SMAD7: variants seen among roughly 807,000 people sequenced by gnomAD.
SMAD7 encodes the protein MAD (mothers against decapentaplegic, Drosophila) homolog 7.
A neutral mutation model predicts 38.7 loss-of-function variants in SMAD7; 8 were observed. The observed-to-expected ratio is 0.21, with a 90% CI of 0.12 to 0.37. The LOEUF is 0.37. SMAD7 is among the 10% of genes least tolerant of loss of function. The pLI is 1.00. For synonymous variants in SMAD7, 327 were observed against 265.1 expected (o/e 1.23, Z -2.27); for missense variants, 477 against 577.9 (o/e 0.83, Z 1.79).
chr18:48,932,056 C>T (rs1196117348), intron 3 of SMAD7, among the ~76,000 whole-genome samples: 2 of 152,292 alleles, frequency 1.3e-5, no homozygotes, highest in East Asian at 1.9e-4. Flanking sequence ...CGGTATGGTG[C>T]ACTCAGATCA....
chr18:48,936,953 C>T (rs748273461), intron 3 of SMAD7, among the ~76,000 whole-genome samples: 1 of 152,024 alleles, frequency 6.6e-6, no homozygotes, highest in African/African-American at 2.4e-5. Flanking sequence ...TGGTGGTGCA[C>T]GCCTGCAATC....
intron 3 of SMAD7, among the ~76,000 whole-genome samples, chr18:48,925,441 C>T (rs560401461): frequency 1.6e-4 from 24 of 150,924 alleles, no homozygotes; most frequent in Admixed American, 5.3e-4. Context: ...TGCCCCCCCC[C>T]AACCTTCCCC....
chr18:48,941,898 G>A (rs1001835805), intron 3 of SMAD7, among the ~76,000 whole-genome samples: 2 of 152,078 alleles, frequency 1.3e-5, no homozygotes, highest in Non-Finnish European at 2.9e-5. Context: ...AACCTGCCCC[G>A]CTAGGGAACA....
At chr18:48,926,741 C>T (rs144839424) in intron 3 of SMAD7, among the ~76,000 whole-genome samples, 12 of 152,324 alleles carry the variant, frequency 7.9e-5, no homozygotes, top group Admixed American at 3.9e-4. Flanking sequence ...CTCCTCAGGA[C>T]CCAGGCGCCA....
intron 3 of SMAD7, among the ~76,000 whole-genome samples, chr18:48,926,560 G>A (rs1438608116): frequency 1.1e-4 from 17 of 152,258 alleles, no homozygotes; most frequent in Non-Finnish European, 2.4e-4. Context: ...GGCTGAGGAC[G>A]GAGAAGTTGG....
intron 3 of SMAD7, chr18:48,930,060 G>A: frequency 6.6e-6 from 1 of 152,064 alleles, no homozygotes; most frequent in East Asian, 1.9e-4. Context: ...CGATGGAAAA[G>A]CTCCTTCTTC....
At chr18:48,936,280 CT>C in intron 3 of SMAD7, among the ~76,000 whole-genome samples, 1 of 152,228 alleles carries the variant, frequency 6.6e-6, no homozygotes, top group East Asian at 1.9e-4. Flanking sequence ...TCCACAATCA[CT>C]GTTCCTTATA....
intron 3 of SMAD7, among the ~76,000 whole-genome samples, chr18:48,938,759 G>A (rs1487673066): frequency 6.6e-6 from 1 of 152,186 alleles, no homozygotes; most frequent in Non-Finnish European, 1.5e-5. Flanking sequence ...CATTCCCAGT[G>A]ATCCCCGGAA....
At position 48,920,337 on chromosome 18, in the gene SMAD7, T is replaced by C; in HGVS notation, c.*1035A>G. ...AGTTGTAGAAGAAATGAAAGAAGAG[T>C]TAGGTGTCAGCCTAGGATGGTACCT... On this transcript the variant is annotated 3_prime_UTR_variant, in exon 4 of 4. Coordinates refer to ENST00000262158, the MANE Select transcript of SMAD7 (RefSeq NM_005904.4). 6.6e-6 allele frequency: 1 copy of C among 152,390 alleles called. No homozygotes were observed. The highest frequency in any genetic ancestry group is 1.5e-5 in the Non-Finnish European group (1 of 67,938). The allele number at this position is 152,390 out of a possible 1,614,324, so 9.4% of individuals were successfully genotyped here. A position where few individuals can be genotyped will look rare whatever the true frequency, so the allele number is the denominator to read the frequency against.
intron 3 of SMAD7, among the ~76,000 whole-genome samples, chr18:48,931,426 C>T (rs1325070422): frequency 2.6e-5 from 4 of 152,154 alleles, no homozygotes; most frequent in Non-Finnish European, 2.9e-5. Flanking sequence ...GGGGATTCCA[C>T]GGGTGGGACT....
At chr18:48,942,013 G>A (rs1188775941) in intron 3 of SMAD7, among the ~76,000 whole-genome samples, 1 of 152,236 alleles carries the variant, frequency 6.6e-6, no homozygotes, top group Non-Finnish European at 1.5e-5. Context: ...GAACTTGGGA[G>A]GGAAGCCTCA....
intron 3 of SMAD7, among the ~76,000 whole-genome samples, chr18:48,936,902 A>G (rs1453834561): frequency 6.6e-6 from 1 of 152,120 alleles, no homozygotes; most frequent in East Asian, 1.9e-4. Context: ...CAACATGGCA[A>G]AACCCTCTCT....
At chr18:48,945,079 G>C (rs1255987121) in intron 2 of SMAD7, among the ~76,000 whole-genome samples, 1 of 152,150 alleles carries the variant, frequency 6.6e-6, no homozygotes, top group Non-Finnish European at 1.5e-5. Context: ...AGACAGAGGA[G>C]CCCCTACTCA....
chr18:48,934,810 G>A (rs1221241714), intron 3 of SMAD7, among the ~76,000 whole-genome samples: 3 of 151,446 alleles, frequency 2.0e-5, no homozygotes, highest in East Asian at 1.9e-4. Flanking sequence ...CAGGCTAGCC[G>A]TTTCTCAGCC....
At chr18:48,943,302 C>G (rs2070162753) in intron 2 of SMAD7, among the ~76,000 whole-genome samples, 1 of 152,154 alleles carries the variant, frequency 6.6e-6, no homozygotes, top group Non-Finnish European at 1.5e-5. Flanking sequence ...ACATTTGGCA[C>G]CCAACACTCG....
chr18:48,934,825 C>G (rs2070045289), intron 3 of SMAD7, among the ~76,000 whole-genome samples: 1 of 151,690 alleles, frequency 6.6e-6, no homozygotes, highest in Admixed American at 6.6e-5. Flanking sequence ...TCAGCCACTA[C>G]CTTTCACGAA....
At chr18:48,945,486 C>T (rs938376833) in intron 2 of SMAD7, among the ~76,000 whole-genome samples, 1 of 152,196 alleles carries the variant, frequency 6.6e-6, no homozygotes, top group African/African-American at 2.4e-5. Flanking sequence ...AGCACTGCAT[C>T]GGAATCCTCA....
intron 3 of SMAD7, among the ~76,000 whole-genome samples, chr18:48,926,563 G>A (rs567828959): frequency 1.3e-5 from 2 of 152,384 alleles, no homozygotes; most frequent in Admixed American, 6.5e-5. Context: ...TGAGGACGGA[G>A]AAGTTGGGGA....
At chr18:48,926,093 A>G (rs996761225) in intron 3 of SMAD7, among the ~76,000 whole-genome samples, 1 of 152,210 alleles carries the variant, frequency 6.6e-6, no homozygotes, top group Non-Finnish European at 1.5e-5. Context: ...GAGAAAGAAG[A>G]AAAATGGGAG....
Sources: allele counts gnomAD v4.1 joint callset (sites outside exome capture counted in the v4.1 genomes callset), GRCh38; gene constraint gnomAD v4.1.1; transcripts MANE v1.5; gene names NCBI Gene and HGNC (gene_info 2026-07-23, HGNC 2026-07-21).